Variants in DPY19L4 observed in about 807,000 individuals in gnomAD.
DPY19L4 encodes the protein probable C-mannosyltransferase DPY19L4.
In DPY19L4, 97 loss-of-function variants were observed where a neutral mutation model predicts 102.8. That is an observed-to-expected ratio of 0.94 (90% confidence interval 0.80 to 1.12). The LOEUF (loss-of-function observed/expected upper bound fraction) is 1.12. Among genes scored for constraint, DPY19L4 ranks in the 50% most tolerant of loss-of-function variants. The pLI is 0.00. For synonymous variants in DPY19L4, 252 were observed against 283.1 expected (o/e 0.89, Z 1.10); for missense variants, 815 against 850.4 (o/e 0.96, Z 0.52).
At chr8:94,778,207 C>T (rs1012896959) in intron 14 of DPY19L4, among the ~76,000 whole-genome samples, 11 of 151,752 alleles carry the variant, frequency 7.2e-5, no homozygotes, top group East Asian at 3.9e-4. Flanking sequence ...TGCACTACAG[C>T]CTGGGCAACA....
At chr8:94,774,836 C>A (rs181046820) in intron 13 of DPY19L4, among the ~76,000 whole-genome samples, 234 of 152,246 alleles carry the variant, frequency 1.5e-3, no homozygotes, top group Non-Finnish European at 2.4e-3. Context: ...CTCGGCCCCC[C>A]AAAGTGCTGG....
Position 94,791,196 on chromosome 8 carries a change from C to T in DPY19L4, c.*1286C>T, listed in dbSNP as rs1813872385. The T allele has an allele frequency of 6.6e-6, 1 of 152,086 alleles. No individual in the cohort carries two copies. The allele number at this position is 152,086 out of a possible 1,614,324, so 9.4% of individuals were successfully genotyped here. On this transcript the variant is annotated 3_prime_UTR_variant, in exon 19 of 19. Coordinates refer to ENST00000414645, the MANE Select transcript of DPY19L4 (RefSeq NM_181787.3). The stretch of plus-strand genomic sequence containing the variant: ...TGCTGCAAAAATTGCATTTTCAGTA[C>T]TCTAAATTACTACATTAGAAGAGAG...
chr8:94,720,043 C>A lies in DPY19L4; in HGVS notation c.16+29C>A, dbSNP rs529955759. The A allele has an allele frequency of 1.6e-5, 25 of 1,523,744 alleles. No homozygotes were observed. The African/African-American group carries it at 3.1e-4, about 19-fold the overall frequency. 94.4% of individuals were successfully genotyped at this position (1,523,744 alleles called of 1,614,324 possible). A position where few individuals can be genotyped will look rare whatever the true frequency, so the allele number is the denominator to read the frequency against. On this transcript the variant is annotated intron_variant, in intron 1 of 18. Coordinates refer to ENST00000414645, the MANE Select transcript of DPY19L4 (RefSeq NM_181787.3). ...ATTGCCGCGGGGTCCAGCGCGCCAA[C>A]GGCTGCCAGTGGTCTCGGGAAGGAG... is the stretch of plus-strand genomic sequence containing the variant.
chr8:94,750,785 C>CT (rs768001663), intron 6 of DPY19L4, among the ~76,000 whole-genome samples: 2,753 of 140,866 alleles, frequency 0.02, 81 homozygotes, highest in African/African-American at 0.06. Context: ...CCAAAATTTC[C>CT]TTTTTTTTTT....
At chr8:94,753,461 CCT>C (rs1392832785) in intron 6 of DPY19L4, among the ~76,000 whole-genome samples, 2 of 151,960 alleles carry the variant, frequency 1.3e-5, no homozygotes, top group African/African-American at 2.4e-5. Flanking sequence ...TATTTTTTAC[CCT>C]GTTTTTATCT....
chr8:94,738,335 T>A (rs1166956365), intron 3 of DPY19L4, 34 bp from the exon 4 acceptor site: 36 of 1,204,428 alleles, frequency 3.0e-5, no homozygotes, highest in East Asian at 1.0e-4. Context: ...AAAAAAAAAA[T>A]TAAATTTTAA....
At chr8:94,727,409 T>C (rs1336655186) in intron 2 of DPY19L4, among the ~76,000 whole-genome samples, 1 of 152,180 alleles carries the variant, frequency 6.6e-6, no homozygotes, top group Non-Finnish European at 1.5e-5. Flanking sequence ...AATTTTTGTA[T>C]TTTTGGTAGA....
Position 94,765,267 on chromosome 8 carries a change from C to G in DPY19L4, c.955C>G (p.Pro319Ala). Residue 319 changes from proline (P) to alanine (A), a missense_variant, in exon 9 of 19, where the codon CCT becomes GCT. By Grantham distance (27) the Pro-to-Ala change is conservative. Coordinates refer to ENST00000414645, the MANE Select transcript of DPY19L4 (RefSeq NM_181787.3). ...TGAGAATCCAGCTTTGTTGGTATCT[C>G]CTTTATTAAGTTTAGTAGCAGCCTT... The part of the protein sequence containing the change: ...QFENPALLVS[P>A]LLSLVAALML... The G allele has an allele frequency of 6.2e-7, 1 of 1,609,802 alleles. No homozygotes were observed. The highest frequency in any genetic ancestry group is 8.5e-7 in the Non-Finnish European group (1 of 1,179,052).
rs145303247 is a variant in DPY19L4 at position 94,734,946 on chromosome 8, G to A, written c.252+192G>A. Among the ~76,000 whole-genome samples, 19 of 152,252 alleles carry A rather than the reference G, an allele frequency of 1.2e-4. No homozygotes were observed. The East Asian group carries it at 3.7e-3, about 29-fold the overall frequency. On this transcript the variant is annotated intron_variant, in intron 3 of 18. Coordinates refer to ENST00000414645, the MANE Select transcript of DPY19L4 (RefSeq NM_181787.3). ...TGTATTTCATAGAATAAAACTATGA[G>A]GGTGCTCCCCTTTCTGCAATTAACT... is the stretch of plus-strand genomic sequence containing the variant.
intron 17 of DPY19L4, among the ~76,000 whole-genome samples, chr8:94,784,297 G>A (rs550485688): frequency 9.2e-5 from 14 of 151,810 alleles, no homozygotes; most frequent in African/African-American, 3.4e-4. Context: ...TGCAACCTCT[G>A]CTTCCTGGGT....
chr8:94,777,063 T>TTTTTG (rs1257619603), intron 13 of DPY19L4, among the ~76,000 whole-genome samples: 3 of 152,134 alleles, frequency 2.0e-5, no homozygotes, highest in African/African-American at 7.2e-5. Context: ...TCTTAGAGTT[T>TTTTTG]TTTTGTTTTG....
rs768001663 is a variant in DPY19L4 at position 94,750,785 on chromosome 8, C to CTT, written c.612-5237_612-5236dup. Among the ~76,000 whole-genome samples, 23 of 140,964 alleles carry CTT rather than the reference C, an allele frequency of 1.6e-4. 1 individual carries two copies. The highest frequency in any genetic ancestry group is 3.6e-4 in the African/African-American group (14 of 38,564). The allele number at this position is 140,964 out of a possible 152,430, so 92.5% of individuals were successfully genotyped here. On this transcript the variant is annotated intron_variant, in intron 6 of 18. Transcript: ENST00000414645. Reference sequence around the variant, plus strand: ...CATATCCATCACTACCCAAAATTTCCTTTTTTTTTTTTTTTGAGACAGGAT... The same window carrying CTT: ...CATATCCATCACTACCCAAAATTTCCTTTTTTTTTTTTTTTTTGAGACAGGAT...
At chr8:94,752,841 A>G (rs949423765) in intron 6 of DPY19L4, among the ~76,000 whole-genome samples, 3 of 150,474 alleles carry the variant, frequency 2.0e-5, no homozygotes, top group African/African-American at 7.3e-5. Context: ...ATTTTTTTGT[A>G]TTTTTAATAG....
chr8:94,788,048 GC>G lies in DPY19L4; in HGVS notation c.2005del (p.His669ThrfsTer10). On this transcript the variant is annotated frameshift_variant, in exon 18 of 19. Coordinates refer to ENST00000414645, the MANE Select transcript of DPY19L4 (RefSeq NM_181787.3). LOFTEE classifies it high-confidence loss of function. ...AAAGATTTATTAGACATTGCAAATG[GC>G]CACGTAAGTAACCATTTGGAAAGTT... ...RVKDLLDIAN[G>X]HMVCEEGDKL... The G allele has an allele frequency of 7.0e-7, 1 of 1,436,592 alleles. No homozygotes were observed. The highest frequency in any genetic ancestry group is 9.1e-7 in the Non-Finnish European group (1 of 1,093,686). 89.0% of individuals were successfully genotyped at this position (1,436,592 alleles called of 1,614,324 possible).
At chr8:94,750,233 C>T (rs1240417979) in intron 6 of DPY19L4, among the ~76,000 whole-genome samples, 6 of 151,904 alleles carry the variant, frequency 3.9e-5, no homozygotes, top group East Asian at 3.9e-4. Flanking sequence ...CTGTGCCTCG[C>T]GTGGTTCATG....
In DPY19L4 at chr8:94,747,651, C is replaced by T. The variant is rs184354237; in HGVS notation, c.611+7861C>T. 1.5e-4 allele frequency among the ~76,000 whole-genome samples: 22 copies of T among 151,454 alleles called. No homozygotes were observed. The East Asian group carries it at 1.7e-3, about 12-fold the overall frequency. On this transcript the variant is annotated intron_variant, in intron 6 of 18. Coordinates refer to ENST00000414645, the MANE Select transcript of DPY19L4 (RefSeq NM_181787.3). ...TCGGCTCACTGCAAGATCCGCCTCC[C>T]GGGTTCACGCCATTCTTCTGCCTCA...
At chr8:94,769,857 AG>A (rs1307214309) in intron 12 of DPY19L4, among the ~76,000 whole-genome samples, 1 of 151,700 alleles carries the variant, frequency 6.6e-6, no homozygotes, top group Non-Finnish European at 1.5e-5. Flanking sequence ...TGATCTTGGA[AG>A]AAGAACCTAC....
In DPY19L4 at chr8:94,756,128, A is replaced by T. The variant is rs1489891563; in HGVS notation, c.704A>T (p.Tyr235Phe). The T allele has an allele frequency of 6.2e-7, 1 of 1,613,804 alleles. No homozygotes were observed. The highest frequency in any genetic ancestry group is 8.5e-7 in the Non-Finnish European group (1 of 1,179,880). ...FACQIAALTGYLKSNLNTYGE... is the reference protein window; with the variant it reads ...FACQIAALTGFLKSNLNTYGE... ...TGCCAAATTGCTGCACTTACAGGCT[A>T]TTTAAAAAGCAACTTAAATACTTAT... The change falls in exon 7 of 19, where the codon TAT becomes TTT. Residue 235 changes from tyrosine to phenylalanine, a missense_variant. By Grantham distance (22) the Tyr-to-Phe change is conservative (BLOSUM62 3). Transcript: ENST00000414645.
chr8:94,787,526 A>C (rs1035801206), intron 17 of DPY19L4, among the ~76,000 whole-genome samples: 1 of 152,178 alleles, frequency 6.6e-6, no homozygotes, highest in Non-Finnish European at 1.5e-5. Context: ...TTTTCAGGAC[A>C]AATAGTATAT....
Sources: gnomAD v4.1 joint callset for allele counts (sites outside exome capture counted in the v4.1 genomes callset) on GRCh38, gnomAD v4.1.1 for gene constraint, MANE v1.5 for transcripts, NCBI Gene and HGNC (gene_info 2026-07-23, HGNC 2026-07-21) for gene names.